ASIC2: variants seen among roughly 807,000 people sequenced by gnomAD.
ASIC2 encodes the protein acid sensing ion channel subunit 2.
In ASIC2, 25 loss-of-function variants were observed where a neutral mutation model predicts 57.3. The observed-to-expected ratio is 0.44, with a 90% CI of 0.32 to 0.61. The LOEUF (loss-of-function observed/expected upper bound fraction) is 0.61. ASIC2 is among the 20% of genes least tolerant of loss of function. The probability of loss-of-function intolerance (pLI) is 0.06; values close to 1 mark genes in which losing one functional copy is unlikely to be tolerated. For missense variants in ASIC2, 641 were observed against 738.1 expected (o/e 0.87, Z 1.52); for synonymous variants, 319 against 307.5 (o/e 1.04, Z -0.39).
intron 1 of ASIC2, among the ~76,000 whole-genome samples, chr17:33,712,023 T>C (rs1909052406): frequency 6.6e-6 from 1 of 152,116 alleles, no homozygotes; most frequent in South Asian, 2.1e-4. Context: ...ATCATCCCCC[T>C]TTTCTCCATA....
intron 1 of ASIC2, among the ~76,000 whole-genome samples, chr17:34,011,214 C>A (rs1427157211): frequency 1.3e-5 from 2 of 152,026 alleles, no homozygotes; most frequent in African/African-American, 4.8e-5. Context: ...TATACAGACA[C>A]AGACCCACAG....
chr17:33,611,620 T>C (rs181854201), intron 1 of ASIC2, among the ~76,000 whole-genome samples: 19 of 152,356 alleles, frequency 1.2e-4, no homozygotes, highest in Non-Finnish European at 1.5e-5. Flanking sequence ...GTATTCTTAT[T>C]CTGATGCCCA....
At chr17:33,396,418 C>A (rs558067360) in intron 1 of ASIC2, among the ~76,000 whole-genome samples, 61 of 152,304 alleles carry the variant, frequency 4.0e-4, no homozygotes, top group African/African-American at 1.4e-3. Context: ...CTCACTCAAC[C>A]TTTATAAGAA....
rs554917722 is a variant in ASIC2, at chr17:33,787,464, G to A, written c.555+368514C>T. The stretch of plus-strand genomic sequence containing the variant: ...ATGTAATAAAAGGATAAATTAGAGC[G>A]TGAAGCCATATGTTACCAAAGGATC... On this transcript the variant is annotated intron_variant, in intron 1 of 9. Transcript: ENST00000359872. Among the ~76,000 whole-genome samples the A allele has an allele frequency of 9.2e-5, 14 of 152,306 alleles. No homozygotes were observed. The East Asian group carries it at 1.2e-3, about 13-fold the overall frequency.
chr17:33,422,148 C>G (rs1325458010), intron 1 of ASIC2, among the ~76,000 whole-genome samples: 1 of 152,248 alleles, frequency 6.6e-6, no homozygotes, highest in African/African-American at 2.4e-5. Context: ...GCAGCTGCTT[C>G]TGTAGGCATG....
chr17:33,221,648 T>C (rs1401940165), intron 1 of ASIC2, among the ~76,000 whole-genome samples: 3 of 152,244 alleles, frequency 2.0e-5, no homozygotes, highest in Non-Finnish European at 4.4e-5. Context: ...AAAAGAGCCA[T>C]AATGTGCATT....
rs58085265 is a variant in ASIC2, at chr17:33,682,060, C to CT, written c.555+473917dup. ...CCACACAGGATGGCATCAGTGACATCTTTTTTTTTTTTTTTTTGAGACAGA... is the reference window on the plus strand; with the variant it reads ...CCACACAGGATGGCATCAGTGACATCTTTTTTTTTTTTTTTTTTGAGACAGA... On this transcript the variant is annotated intron_variant, in intron 1 of 9. Transcript: ENST00000359872. Among the ~76,000 whole-genome samples the CT allele has an allele frequency of 2.6e-3, 314 of 122,776 alleles. 8 individuals are homozygous for CT. Among genetic ancestry groups the CT allele is most frequent in the Middle Eastern group, 4.1e-3 (1 of 242 alleles). The allele number at this position is 122,776 out of a possible 152,430, so 80.5% of individuals were successfully genotyped here.
chr17:33,099,043 A>T (rs1426428701), intron 2 of ASIC2, among the ~76,000 whole-genome samples: 1 of 148,958 alleles, frequency 6.7e-6, no homozygotes, highest in Non-Finnish European at 1.5e-5. Flanking sequence ...CCCAGGCTGG[A>T]GTGCAATGGC....
intron 1 of ASIC2, among the ~76,000 whole-genome samples, chr17:33,459,084 G>A (rs182424601): frequency 1.3e-5 from 2 of 151,518 alleles, no homozygotes. Context: ...TCGTTTTTTT[G>A]TTTTTTGTGT....
chr17:33,298,041 CTTCTT>C (rs1176938076), upstream of ASIC2, among the ~76,000 whole-genome samples: 1 of 147,930 alleles, frequency 6.8e-6, no homozygotes, highest in Admixed American at 6.8e-5. Context: ...TTTCCCTTCT[CTTCTT>C]CTCTTCCCTT....
chr17:33,527,832 G>T (rs1914929857), intron 1 of ASIC2, among the ~76,000 whole-genome samples: 1 of 152,150 alleles, frequency 6.6e-6, no homozygotes, highest in African/African-American at 2.4e-5. Context: ...CTTTCTCACT[G>T]AGAGACCTGG....
chr17:34,096,386 T>G (rs992225671), intron 1 of ASIC2, among the ~76,000 whole-genome samples: 1 of 152,110 alleles, frequency 6.6e-6, no homozygotes, highest in Non-Finnish European at 1.5e-5. Flanking sequence ...CTGTTAAGTC[T>G]TGAGTTAGAA....
At chr17:33,095,958 C>A (rs2092177296) in intron 2 of ASIC2, among the ~76,000 whole-genome samples, 1 of 152,206 alleles carries the variant, frequency 6.6e-6, no homozygotes, top group Non-Finnish European at 1.5e-5. Flanking sequence ...GGCCCATCAG[C>A]AGCTGGGCCA....
At chr17:33,134,293 C>T (rs773543073) in intron 1 of ASIC2, among the ~76,000 whole-genome samples, 3 of 152,152 alleles carry the variant, frequency 2.0e-5, no homozygotes, top group Non-Finnish European at 4.4e-5. Context: ...TACCAAAGCC[C>T]GTTCCTTTTC....
rs566796820 is a variant in ASIC2 at position 33,386,506 on chromosome 17, T to C, written c.556-274439A>G. Among the ~76,000 whole-genome samples, 16 of 152,310 alleles carry C rather than the reference T, an allele frequency of 1.1e-4. No homozygotes were observed. In the South Asian group the frequency reaches 3.3e-3, roughly 32 times the overall value. On this transcript the variant is annotated intron_variant, in intron 1 of 9. Transcript: ENST00000359872. ...TGATCCAATTAGTCACTAGGCTATA[T>C]TGATTTTACCTATTAAATAGAATTT...
intron 1 of ASIC2, among the ~76,000 whole-genome samples, chr17:33,402,471 T>C (rs1910318848): frequency 6.6e-6 from 1 of 152,150 alleles, no homozygotes; most frequent in African/African-American, 2.4e-5. Context: ...CTAGTGTGTA[T>C]TGTTCCCCTC....
intron 1 of ASIC2, among the ~76,000 whole-genome samples, chr17:33,870,113 T>C (rs557404777): frequency 2.0e-5 from 3 of 151,678 alleles, no homozygotes; most frequent in South Asian, 4.2e-4. Context: ...CAGAATCATA[T>C]CTAATTGATA....
chr17:33,037,130 C>CAAAAA (rs35845015), intron 3 of ASIC2, among the ~76,000 whole-genome samples: 11 of 125,584 alleles, frequency 8.8e-5, no homozygotes, highest in East Asian at 7.6e-4. Flanking sequence ...GGTGTGGTAG[C>CAAAAA]AAAAAAAAAA....
At chr17:33,723,618 T>C (rs908466736) in intron 1 of ASIC2, among the ~76,000 whole-genome samples, 1 of 152,218 alleles carries the variant, frequency 6.6e-6, no homozygotes, top group Non-Finnish European at 1.5e-5. Context: ...CATATGCCAC[T>C]GCACCCAGCC....
Sources: gnomAD v4.1 joint callset for allele counts (sites outside exome capture counted in the v4.1 genomes callset) on GRCh38, gnomAD v4.1.1 for gene constraint, MANE v1.5 for transcripts, NCBI Gene and HGNC (gene_info 2026-07-23, HGNC 2026-07-21) for gene names.